Variants in RUFY2 observed in about 807,000 individuals in gnomAD.
RUFY2 encodes RUN and FYVE domain containing 2, also known as RUN and FYVE domain-containing protein 2.
Under a neutral mutation model 94.4 loss-of-function variants are expected in RUFY2, and 49 were observed. The observed-to-expected ratio is 0.52, with a 90% CI of 0.41 to 0.66. The LOEUF (loss-of-function observed/expected upper bound fraction) is 0.66. RUFY2 is among the 30% of genes least tolerant of loss of function. The probability of loss-of-function intolerance (pLI) is 0.00; values close to 1 mark genes in which losing one functional copy is unlikely to be tolerated. For missense variants in RUFY2, 541 were observed against 692.8 expected, an observed-to-expected ratio of 0.78 and a Z score of 2.46; for synonymous variants, 255 against 235.7, an observed-to-expected ratio of 1.08 and a Z score of -0.75.
chr10:68,404,910 T>C (rs1378833570), intron 1 of RUFY2, 66 bp from the exon 2 acceptor site: 5 of 1,302,064 alleles, frequency 3.8e-6, no homozygotes, highest in African/African-American at 1.5e-5. Context: ...ATACAAACCA[T>C]TCCCTTCCCC....
At position 68,344,906 on chromosome 10, in the gene RUFY2, T is replaced by C. The variant is rs2046189860; in HGVS notation, c.*862A>G. 1 of 152,214 alleles carries C rather than the reference T, an allele frequency of 6.6e-6. No homozygotes were observed. Among genetic ancestry groups the C allele is most frequent in the Admixed American group, 6.5e-5 (1 of 15,276 alleles). The allele number at this position is 152,214 out of a possible 1,614,324, so 9.4% of individuals were successfully genotyped here. A position where few individuals can be genotyped will look rare whatever the true frequency, so the allele number is the denominator to read the frequency against. On this transcript the variant is annotated 3_prime_UTR_variant, in exon 18 of 18. Coordinates refer to ENST00000602465, the MANE Select transcript of RUFY2 (RefSeq NM_001330103.2). ...AAAGTCCTGATTTTTTTCTCACTTT[T>C]AATGCTTAGAGGAGAGGACCTTTAT...
Position 68,376,915 on chromosome 10 carries a change from T to C in RUFY2, c.1263A>G (p.Leu421=). The C allele has an allele frequency of 6.2e-7, 1 of 1,613,452 alleles. No homozygotes were observed. Among genetic ancestry groups the C allele is most frequent in the Non-Finnish European group, 8.5e-7 (1 of 1,179,554 alleles). ...MEAEDEDEKY[L]QECLSKSDSL... The stretch of plus-strand genomic sequence containing the variant: ...TATCAGATTTACTGAGACATTCTTG[T>C]AGATATTTCTCATCCTCATCTTCAG... Residue 421 remains leucine, a synonymous_variant, in exon 13 of 18, where the codon CTA becomes CTG. Transcript: ENST00000602465.
intron 4 of RUFY2, 58 bp downstream of exon 4, chr10:68,396,722 G>T: frequency 4.6e-6 from 5 of 1,092,746 alleles, no homozygotes; most frequent in Non-Finnish European, 5.4e-6. Flanking sequence ...AATCCTTTTT[G>T]GAAGACAGCA....
chr10:68,378,748 A>G, intron 12 of RUFY2: 1 of 1,017,136 alleles, frequency 9.8e-7, no homozygotes, highest in Non-Finnish European at 1.4e-6. Context: ...GGGGATAAAG[A>G]AAACAAAAAA....
At chr10:68,349,511 T>C (rs1201883467) in intron 16 of RUFY2, among the ~76,000 whole-genome samples, 2 of 151,938 alleles carry the variant, frequency 1.3e-5, no homozygotes, top group African/African-American at 2.4e-5. Context: ...ACAGAGACAC[T>C]GTCTCTAAAA....
At chr10:68,348,723 C>G (rs920958132) in intron 16 of RUFY2, among the ~76,000 whole-genome samples, 15 of 152,122 alleles carry the variant, frequency 9.9e-5, no homozygotes, top group Admixed American at 1.3e-4. Context: ...CTACCTGCCG[C>G]CCTCCCAGGA....
chr10:68,383,780 A>G lies in RUFY2; in HGVS notation c.939+18T>C. 6.5e-7 allele frequency: 1 copy of G among 1,533,420 alleles called. No homozygotes were observed. Among genetic ancestry groups the G allele is most frequent in the South Asian group, 1.1e-5 (1 of 89,054 alleles). 95.0% of individuals were successfully genotyped at this position (1,533,420 alleles called of 1,614,324 possible). ...CTCCCAGGATGATCTTGCTAATGTA[A>G]TTTTTAATATAACCTACCTGTCGTA... is the stretch of plus-strand genomic sequence containing the variant. On this transcript the variant is annotated intron_variant, in intron 10 of 17. Transcript: ENST00000602465.
At chr10:68,374,353 G>A (rs2048478183) in intron 13 of RUFY2, among the ~76,000 whole-genome samples, 1 of 151,896 alleles carries the variant, frequency 6.6e-6, no homozygotes, top group African/African-American at 2.4e-5. Flanking sequence ...TTAATCAACG[G>A]AAAGCAGGAG....
At chr10:68,406,524 C>T (rs1454244985) in intron 1 of RUFY2, among the ~76,000 whole-genome samples, 1 of 152,200 alleles carries the variant, frequency 6.6e-6, no homozygotes, top group African/African-American at 2.4e-5. Flanking sequence ...ACCGGCAGTT[C>T]CCACGCCGAG....
intron 16 of RUFY2, among the ~76,000 whole-genome samples, chr10:68,346,902 C>G (rs1250965046): frequency 6.6e-6 from 1 of 152,010 alleles, no homozygotes; most frequent in African/African-American, 2.4e-5. Context: ...TTTAGGAGGC[C>G]GAGGCAGGAG....
intron 16 of RUFY2, among the ~76,000 whole-genome samples, chr10:68,351,774 C>T (rs528455465): frequency 2.0e-5 from 3 of 146,366 alleles, no homozygotes; most frequent in Admixed American, 6.8e-5. Context: ...TATGAGGATA[C>T]GGCCTGGCAA....
intron 16 of RUFY2, among the ~76,000 whole-genome samples, chr10:68,349,991 C>G (rs937150459): frequency 2.0e-5 from 3 of 151,606 alleles, no homozygotes; most frequent in African/African-American, 7.3e-5. Context: ...CTAACCAAGG[C>G]TTTATTTTAT....
In RUFY2 at chr10:68,383,785, T is replaced by C; in HGVS notation, c.939+13A>G. 2 of 1,552,544 alleles carry C rather than the reference T, an allele frequency of 1.3e-6. No individual in the cohort carries two copies. On this transcript the variant is annotated intron_variant, in intron 10 of 17. Coordinates refer to ENST00000602465, the MANE Select transcript of RUFY2 (RefSeq NM_001330103.2). Reference sequence around the variant, plus strand: ...AGGATGATCTTGCTAATGTAATTTTTAATATAACCTACCTGTCGTAACTGA... The same window carrying C: ...AGGATGATCTTGCTAATGTAATTTTCAATATAACCTACCTGTCGTAACTGA...
chr10:68,355,588 T>C (rs2046988917), intron 15 of RUFY2, 187 bp from the exon 16 acceptor site: 2 of 443,878 alleles, frequency 4.5e-6, no homozygotes, highest in Non-Finnish European at 8.0e-6. Flanking sequence ...AAAGCAAAAA[T>C]ATTTTAGATT....
intron 16 of RUFY2, among the ~76,000 whole-genome samples, chr10:68,351,121 C>CT (rs2046634202): frequency 1.7e-5 from 2 of 119,542 alleles, no homozygotes; most frequent in African/African-American, 6.2e-5. Flanking sequence ...TGTATCCATA[C>CT]ATTTTTTTTT....
chr10:68,379,588 T>TGC, intron 11 of RUFY2, 67 bp from the exon 12 acceptor site: 3 of 1,127,814 alleles, frequency 2.7e-6, no homozygotes, highest in South Asian at 1.4e-5. Context: ...TGTGTGTGTG[T>TGC]GCGTGTTTTT....
In RUFY2 at chr10:68,379,479, G is replaced by A. The variant is rs1419869354; in HGVS notation, c.1150C>T (p.Arg384Ter). Reference sequence around the variant, plus strand: ...ATTTTATTGGTTTTTTCTTCTAGTCGGGCAATTATTTCATTTTTTTCTTTC... The same window carrying A: ...ATTTTATTGGTTTTTTCTTCTAGTCAGGCAATTATTTCATTTTTTTCTTTC... ...GLKEKNEIIA[R>*]LEEKTNKITA... The change falls in exon 12 of 18, where the codon CGA (arginine) becomes TGA (stop). Residue 384 changes from arginine (R) to a stop codon, truncating the protein, a stop_gained. Transcript: ENST00000602465. LOFTEE classifies it high-confidence loss of function. 2.5e-6 allele frequency: 4 copies of A among 1,612,302 alleles called. No homozygotes were observed. Among genetic ancestry groups the A allele is most frequent in the Non-Finnish European group, 2.5e-6 (3 of 1,179,328 alleles).
chr10:68,406,887 C>G (rs374034161), intron 1 of RUFY2: 1 of 1,593,424 alleles, frequency 6.3e-7, no homozygotes, highest in Non-Finnish European at 8.5e-7. Context: ...TGCTCCCCGA[C>G]CCGGGAGTGA....
downstream of RUFY2, chr10:68,342,310 A>G: frequency 2.8e-6 from 1 of 362,580 alleles, no homozygotes; most frequent in East Asian, 5.1e-5. Context: ...AGTTACTCCT[A>G]AAGATGTGCT....
Sources: gnomAD v4.1 joint callset for allele counts (sites outside exome capture counted in the v4.1 genomes callset) on GRCh38, gnomAD v4.1.1 for gene constraint, MANE v1.5 for transcripts, NCBI Gene and HGNC (gene_info 2026-07-23, HGNC 2026-07-21) for gene names.